CDKL3: variants seen among roughly 807,000 people sequenced by gnomAD.
CDKL3 encodes the protein cyclin dependent kinase like 3.
In CDKL3, 65 loss-of-function variants were observed where a neutral mutation model predicts 69.3. The observed-to-expected ratio is 0.94, with a 90% CI of 0.77 to 1.15. CDKL3 has a LOEUF of 1.15. Among genes scored for constraint, CDKL3 ranks in the 50% most tolerant of loss-of-function variants. CDKL3 has a pLI of 0.00. For missense variants in CDKL3, 652 were observed against 689.2 expected (o/e 0.95, Z 0.61); for synonymous variants, 202 against 221.6 (o/e 0.91, Z 0.79).
intron 4 of CDKL3, among the ~76,000 whole-genome samples, chr5:134,326,495 A>G (rs1183004213): frequency 6.6e-6 from 1 of 152,128 alleles, no homozygotes; most frequent in Non-Finnish European, 1.5e-5. Context: ...TCGAGCCTTG[A>G]TCAGGAAAAG....
downstream of CDKL3, among the ~76,000 whole-genome samples, chr5:134,284,105 G>A: frequency 6.6e-6 from 1 of 152,104 alleles, no homozygotes; most frequent in East Asian, 1.9e-4. Flanking sequence ...TCATGGGCTG[G>A]CATTGAGTGT....
At chr5:134,316,616 A>G (rs1165310090) in intron 6 of CDKL3, among the ~76,000 whole-genome samples, 2 of 151,650 alleles carry the variant, frequency 1.3e-5, no homozygotes, top group Non-Finnish European at 2.9e-5. Context: ...AAAAAATTTT[A>G]TTGTCACATC....
intron 7 of CDKL3, 57 bp downstream of exon 7, chr5:134,312,235 T>G (rs114497078): frequency 9.8e-7 from 1 of 1,017,748 alleles, no homozygotes; most frequent in African/African-American, 1.6e-5. Flanking sequence ...TTCCTGCTAG[T>G]AAAATTTCCC....
At chr5:134,337,247 C>A (rs540897302) in intron 4 of CDKL3, among the ~76,000 whole-genome samples, 41 of 152,308 alleles carry the variant, frequency 2.7e-4, no homozygotes, top group Non-Finnish European at 4.6e-4. Flanking sequence ...CCTCCAGGTA[C>A]AGTCACTCAT....
intron 3 of CDKL3, among the ~76,000 whole-genome samples, chr5:134,355,473 T>A (rs1276860610): frequency 6.6e-6 from 1 of 151,834 alleles, no homozygotes; most frequent in Non-Finnish European, 1.5e-5. Flanking sequence ...GAAAGATAAA[T>A]CCAGGAAGAT....
At chr5:134,330,009 CAAA>C (rs202065125) in intron 4 of CDKL3, among the ~76,000 whole-genome samples, 1 of 113,084 alleles carries the variant, frequency 8.8e-6, no homozygotes. Context: ...GACCCTGTCT[CAAA>C]AAAAAAAAAT....
chr5:134,346,528 C>T (rs1390823793), intron 4 of CDKL3, among the ~76,000 whole-genome samples: 1 of 152,114 alleles, frequency 6.6e-6, no homozygotes, highest in African/African-American at 2.4e-5. Flanking sequence ...CGGAGTTTCG[C>T]TCTTGTTGCC....
intron 4 of CDKL3, among the ~76,000 whole-genome samples, chr5:134,328,353 A>G (rs1774919239): frequency 6.6e-6 from 1 of 152,218 alleles, no homozygotes; most frequent in Non-Finnish European, 1.5e-5. Flanking sequence ...TATAAAGAAG[A>G]ACCAAGTGGA....
intron 3 of CDKL3, among the ~76,000 whole-genome samples, chr5:134,352,879 C>G (rs1753671861): frequency 6.6e-6 from 1 of 152,132 alleles, no homozygotes; most frequent in African/African-American, 2.4e-5. Context: ...TGTGGGTTCT[C>G]TCTTCTCTCT....
Position 134,298,633 on chromosome 5 carries a change from T to A in CDKL3, c.*18A>T. ...AGTTGTCATCTTGTATTTTTTGGAC[T>A]ATGTAAAAGAAAAGACACTACCAGA... On this transcript the variant is annotated 3_prime_UTR_variant, in exon 13 of 13. Coordinates refer to ENST00000265334, the MANE Select transcript of CDKL3 (RefSeq NM_001113575.2). The A allele has an allele frequency of 6.2e-7, 1 of 1,607,404 alleles. No individual in the cohort carries two copies. The highest frequency in any genetic ancestry group is 8.5e-7 in the Non-Finnish European group (1 of 1,178,090).
chr5:134,326,442 C>T (rs966872719), intron 4 of CDKL3, among the ~76,000 whole-genome samples: 12 of 151,730 alleles, frequency 7.9e-5, no homozygotes, highest in Non-Finnish European at 1.8e-4. Flanking sequence ...ATAGGAAAAA[C>T]GAAAACAAAA....
chr5:134,288,708 A>G (rs1764987192), intron 8 of CDKL3, among the ~76,000 whole-genome samples: 1 of 152,208 alleles, frequency 6.6e-6, no homozygotes, highest in Non-Finnish European at 1.5e-5. Flanking sequence ...ACTAAATTTC[A>G]TCACTACAAA....
At chr5:134,333,057 T>C (rs1488843581) in intron 4 of CDKL3, among the ~76,000 whole-genome samples, 2 of 152,238 alleles carry the variant, frequency 1.3e-5, no homozygotes, top group Admixed American at 1.3e-4. Context: ...TTTGTAGTAA[T>C]TGTGAATGGG....
downstream of CDKL3, among the ~76,000 whole-genome samples, chr5:134,295,175 T>C (rs1765297278): frequency 6.6e-6 from 1 of 151,782 alleles, no homozygotes; most frequent in South Asian, 2.1e-4. Context: ...TACCACCACA[T>C]ACAGCTAATT....
At chr5:134,283,540 G>GA (rs36002478), downstream of CDKL3, among the ~76,000 whole-genome samples, 21,274 of 151,892 alleles carry the variant, frequency 0.14, 1,818 homozygotes, top group African/African-American at 0.23. Context: ...GAACAGCATG[G>GA]AAAAAACCTG....
At chr5:134,344,359 C>A (rs923523492) in intron 4 of CDKL3, among the ~76,000 whole-genome samples, 1 of 151,742 alleles carries the variant, frequency 6.6e-6, no homozygotes, top group Non-Finnish European at 1.5e-5. Flanking sequence ...AAGACACAAC[C>A]CATAAAATGG....
chr5:134,336,520 C>T (rs1490823657), intron 4 of CDKL3, among the ~76,000 whole-genome samples: 4 of 152,192 alleles, frequency 2.6e-5, no homozygotes, highest in Non-Finnish European at 4.4e-5. Context: ...GTGTGGATGT[C>T]CTTTTGTTGA....
intron 12 of CDKL3, 64 bp from the exon 13 acceptor site, chr5:134,298,774 T>C: frequency 1.3e-6 from 2 of 1,567,688 alleles, no homozygotes; most frequent in South Asian, 2.4e-5. Context: ...CTACCAAAAC[T>C]CTGACTTTAT....
chr5:134,328,884 AC>A (rs1775050872), intron 4 of CDKL3, among the ~76,000 whole-genome samples: 1 of 152,298 alleles, frequency 6.6e-6, no homozygotes, highest in African/African-American at 2.4e-5. Flanking sequence ...CTCAACAAAA[AC>A]GCCTATATCT....
Sources: gnomAD v4.1 joint callset for allele counts (sites outside exome capture counted in the v4.1 genomes callset) on GRCh38, gnomAD v4.1.1 for gene constraint, MANE v1.5 for transcripts, NCBI Gene and HGNC (gene_info 2026-07-23, HGNC 2026-07-21) for gene names.